The following LAMP3 variants were observed in gnomAD, a reference collection of about 807,000 sequenced individuals.
The protein encoded by LAMP3 is lysosome-associated membrane glycoprotein 3.
A neutral mutation model predicts 34.8 loss-of-function variants in LAMP3; 26 were observed. The observed-to-expected ratio is 0.75, with a 90% CI of 0.55 to 1.04. The LOEUF (loss-of-function observed/expected upper bound fraction) is 1.04, where lower values mean the gene tolerates loss of function less well. LAMP3 is among the 50% of genes least tolerant of loss of function. The pLI is 0.00. For synonymous variants in LAMP3, 180 were observed against 201.9 expected, an observed-to-expected ratio of 0.89 and a Z score of 0.92; for missense variants, 495 against 524.0, an observed-to-expected ratio of 0.94 and a Z score of 0.54.
At chr3:183,143,285 A>AT (rs1720341219) in intron 3 of LAMP3, among the ~76,000 whole-genome samples, 3 of 151,202 alleles carry the variant, frequency 2.0e-5, no homozygotes, top group African/African-American at 7.3e-5. Flanking sequence ...ATTTAAAAAA[A>AT]ATTTTTTTAT....
At chr3:183,130,560 G>A (rs746705507) in intron 5 of LAMP3, among the ~76,000 whole-genome samples, 4 of 152,152 alleles carry the variant, frequency 2.6e-5, no homozygotes, top group Non-Finnish European at 5.9e-5. Context: ...GCTTGAGCGT[G>A]GCAGTCGAGA....
chr3:183,138,965 G>A (rs113132483), intron 4 of LAMP3, among the ~76,000 whole-genome samples: 73 of 152,248 alleles, frequency 4.8e-4, no homozygotes, highest in African/African-American at 1.5e-3. Context: ...TACCCCCAAA[G>A]AGCTGAATCT....
chr3:183,140,410 C>CAAAAAAAA (rs58229572), intron 4 of LAMP3, 128 bp downstream of exon 4: 1 of 177,196 alleles, frequency 5.6e-6, no homozygotes, highest in Non-Finnish European at 9.9e-6. Flanking sequence ...GACTCCATCT[C>CAAAAAAAA]AAAAAAAAAA....
At chr3:183,157,947 T>C (rs1275012509) in intron 1 of LAMP3, among the ~76,000 whole-genome samples, 1 of 152,020 alleles carries the variant, frequency 6.6e-6, no homozygotes, top group East Asian at 1.9e-4. Flanking sequence ...GTGATGGCAG[T>C]TGAGATGTCT....
chr3:183,153,239 G>A (rs182603925), intron 2 of LAMP3, among the ~76,000 whole-genome samples: 36 of 149,670 alleles, frequency 2.4e-4, no homozygotes, highest in Non-Finnish European at 5.2e-4. Flanking sequence ...TCAAATAATC[G>A]CAATCCCTCT....
In LAMP3 at chr3:183,122,615, T is replaced by C. The variant is rs1208936899; in HGVS notation, c.*1466A>G. 6 of 152,254 alleles carry C rather than the reference T, an allele frequency of 3.9e-5. No individual in the cohort carries two copies. The highest frequency in any genetic ancestry group is 1.4e-4 in the African/African-American group (6 of 41,464). The allele number at this position is 152,254 out of a possible 1,614,324, so 9.4% of individuals were successfully genotyped here. A position where few individuals can be genotyped will look rare whatever the true frequency, so the allele number is the denominator to read the frequency against. ...AAATTTAAAAATACTTTGAGTTTAT[T>C]TGATGCCTTCATCTTTACAGCCCAG... On this transcript the variant is annotated 3_prime_UTR_variant, in exon 6 of 6. Coordinates refer to ENST00000265598, the MANE Select transcript of LAMP3 (RefSeq NM_014398.4).
intron 4 of LAMP3, among the ~76,000 whole-genome samples, chr3:183,137,185 G>A (rs1720123882): frequency 1.3e-5 from 2 of 151,972 alleles, no homozygotes; most frequent in African/African-American, 4.8e-5. Flanking sequence ...AGGCATGGAG[G>A]TGGGCACATG....
chr3:183,140,598 G>T lies in LAMP3; in HGVS notation c.889-3C>A. On this transcript the variant is annotated splice_region_variant and splice_polypyrimidine_tract_variant and intron_variant, in intron 3 of 5. Coordinates refer to ENST00000265598, the MANE Select transcript of LAMP3 (RefSeq NM_014398.4). Reference sequence around the variant, plus strand: ...CTGATATAATATGATTCTTCATCCTGTAAAACAGTAGGGTGTTAACCTTTG... The same window carrying T: ...CTGATATAATATGATTCTTCATCCTTTAAAACAGTAGGGTGTTAACCTTTG... 6.3e-7 allele frequency: 1 copy of T among 1,582,880 alleles called. No homozygotes were observed. The highest frequency in any genetic ancestry group is 8.7e-7 in the Non-Finnish European group (1 of 1,151,978).
intron 3 of LAMP3, among the ~76,000 whole-genome samples, chr3:183,148,699 T>C (rs1299286272): frequency 1.3e-5 from 2 of 152,152 alleles, no homozygotes; most frequent in Admixed American, 6.5e-5. Flanking sequence ...CAATAACAAA[T>C]GCTGGTGAGG....
intron 5 of LAMP3, among the ~76,000 whole-genome samples, chr3:183,133,379 G>A (rs1390833470): frequency 6.6e-6 from 1 of 152,172 alleles, no homozygotes; most frequent in Non-Finnish European, 1.5e-5. Flanking sequence ...GTTTGAGACA[G>A]AGTCTCACTG....
intron 5 of LAMP3, among the ~76,000 whole-genome samples, chr3:183,130,853 C>A (rs1483954904): frequency 6.6e-6 from 1 of 151,086 alleles, no homozygotes; most frequent in Non-Finnish European, 1.5e-5. Flanking sequence ...TTTTTTTTTC[C>A]TCCAGGTTTA....
intron 5 of LAMP3, among the ~76,000 whole-genome samples, chr3:183,134,354 T>C (rs1720019073): frequency 6.6e-6 from 1 of 152,152 alleles, no homozygotes; most frequent in South Asian, 2.1e-4. Flanking sequence ...CGAGCTTTTC[T>C]ATGCATCCCT....
At chr3:183,128,500 C>T (rs932792602) in intron 5 of LAMP3, among the ~76,000 whole-genome samples, 1 of 152,092 alleles carries the variant, frequency 6.6e-6, no homozygotes, top group Non-Finnish European at 1.5e-5. Flanking sequence ...TATTGATGGA[C>T]CCTTGGCTTG....
intron 1 of LAMP3, 108 bp from the exon 2 acceptor site, chr3:183,154,499 T>G: frequency 1.2e-6 from 1 of 823,694 alleles, no homozygotes; most frequent in Non-Finnish European, 1.9e-6. Flanking sequence ...AACATGCATA[T>G]TTTTATACTT....
At chr3:183,155,464 T>A (rs1045300833) in intron 1 of LAMP3, among the ~76,000 whole-genome samples, 10 of 152,242 alleles carry the variant, frequency 6.6e-5, no homozygotes, top group African/African-American at 2.2e-4. Flanking sequence ...AGGTGGGTTG[T>A]CCTTTGTGTT....
chr3:183,127,547 A>AT (rs775474775), intron 5 of LAMP3, among the ~76,000 whole-genome samples: 1 of 152,084 alleles, frequency 6.6e-6, no homozygotes, highest in Non-Finnish European at 1.5e-5. Flanking sequence ...TAAATCAAAC[A>AT]TTTATTCTGT....
In LAMP3 at chr3:183,126,563, T is replaced by TGTGC. The variant is rs1289493902; in HGVS notation, c.1118-2350_1118-2349insGCAC. 1.4e-3 allele frequency among the ~76,000 whole-genome samples: 215 copies of TGTGC among 149,162 alleles called. 2 individuals carry two copies. Among genetic ancestry groups the TGTGC allele is most frequent in the African/African-American group, 5.1e-3 (204 of 39,660 alleles). On this transcript the variant is annotated intron_variant, in intron 5 of 5. Transcript: ENST00000265598. ...GTGTGTGTGTGTGTGTGTGTGTGTG[T>TGTGC]GCACACGTGTGCATGTGTGCAAACT...
intron 2 of LAMP3, among the ~76,000 whole-genome samples, chr3:183,152,955 T>C (rs1306326330): frequency 6.6e-6 from 1 of 152,046 alleles, no homozygotes; most frequent in African/African-American, 2.4e-5. Context: ...GGCGGGCAGA[T>C]CATGAGGTCA....
chr3:183,139,611 T>C (rs1006157663), intron 4 of LAMP3, among the ~76,000 whole-genome samples: 6 of 152,312 alleles, frequency 3.9e-5, no homozygotes, highest in Admixed American at 3.3e-4. Flanking sequence ...CAATAACTAA[T>C]GATAACATAG....
Sources: gnomAD v4.1 joint callset for allele counts (sites outside exome capture counted in the v4.1 genomes callset) on GRCh38, gnomAD v4.1.1 for gene constraint, MANE v1.5 for transcripts, NCBI Gene and HGNC (gene_info 2026-07-23, HGNC 2026-07-21) for gene names.